Variants in OPCML observed in about 807,000 individuals in gnomAD.
The protein encoded by OPCML is opioid binding protein/cell adhesion molecule like.
Under a neutral mutation model 37.8 loss-of-function variants are expected in OPCML, and 13 were observed. That is an observed-to-expected ratio of 0.34 (90% CI 0.22 to 0.55). OPCML has a LOEUF of 0.55. Ranked by LOEUF, OPCML falls within the 20% of genes least tolerant of loss-of-function variation. The pLI is 0.91. For missense variants in OPCML, 341 were observed against 435.6 expected (o/e 0.78, Z 1.93); for synonymous variants, 176 against 168.8 (o/e 1.04, Z -0.33).
At chr11:133,156,571 C>T (rs1025545417) in intron 1 of OPCML, among the ~76,000 whole-genome samples, 3 of 152,288 alleles carry the variant, frequency 2.0e-5, no homozygotes, top group South Asian at 2.1e-4. Context: ...TTCTGCATCA[C>T]CCCTTAGTGG....
chr11:132,672,805 T>G (rs905213471), intron 2 of OPCML, among the ~76,000 whole-genome samples: 13 of 152,188 alleles, frequency 8.5e-5, no homozygotes, highest in Admixed American at 2.0e-4. Flanking sequence ...TTAGCTTGGT[T>G]CTTCACTGCT....
chr11:132,923,792 T>G (rs1565968152), intron 2 of OPCML, among the ~76,000 whole-genome samples: 1 of 127,032 alleles, frequency 7.9e-6, no homozygotes. Flanking sequence ...AGACAGAGTC[T>G]CACTCTTGTT....
intron 1 of OPCML, among the ~76,000 whole-genome samples, chr11:133,505,103 TTAGG>T (rs1278785729): frequency 2.0e-5 from 3 of 152,158 alleles, no homozygotes; most frequent in Non-Finnish European, 4.4e-5. Flanking sequence ...CCACATGACC[TTAGG>T]GAAGGACCCT....
intron 4 of OPCML, among the ~76,000 whole-genome samples, chr11:132,492,827 G>A (rs535785451): frequency 6.6e-6 from 1 of 152,282 alleles, no homozygotes; most frequent in African/African-American, 2.4e-5. Flanking sequence ...AGTGCCTGGT[G>A]CACAGTAAAT....
chr11:132,844,981 T>C (rs1248101671), intron 2 of OPCML, among the ~76,000 whole-genome samples: 1 of 152,028 alleles, frequency 6.6e-6, no homozygotes, highest in African/African-American at 2.4e-5. Context: ...TTTTTGTTTT[T>C]GTTTTTGTTT....
At chr11:132,731,958 T>C (rs1945092296) in intron 2 of OPCML, among the ~76,000 whole-genome samples, 2 of 152,140 alleles carry the variant, frequency 1.3e-5, no homozygotes, top group Non-Finnish European at 2.9e-5. Context: ...TCATATTATA[T>C]ACCATACGTA....
chr11:132,961,608 G>A lies in OPCML; in HGVS notation c.62-18598C>T, dbSNP rs373580320. On this transcript the variant is annotated intron_variant, in intron 1 of 7. Transcript: ENST00000524381. ...TAAATATAAATAGGCCCACAGGGCC[G>A]GGCTAAGCAACTGAAAAAATCATGG... is the stretch of plus-strand genomic sequence containing the variant. Among the ~76,000 whole-genome samples the A allele has an allele frequency of 1.6e-3, 250 of 152,310 alleles. 1 individual carries two copies. The highest frequency in any genetic ancestry group is 6.8e-3 in the Middle Eastern group (2 of 294).
At chr11:133,290,763 T>C (rs541691799) in intron 1 of OPCML, among the ~76,000 whole-genome samples, 1 of 152,230 alleles carries the variant, frequency 6.6e-6, no homozygotes, top group Non-Finnish European at 1.5e-5. Context: ...TTGGAAAGGA[T>C]TTCAGAAGAG....
intron 3 of OPCML, among the ~76,000 whole-genome samples, chr11:132,560,079 G>A (rs1290163428): frequency 6.6e-6 from 1 of 152,156 alleles, no homozygotes; most frequent in Non-Finnish European, 1.5e-5. Flanking sequence ...TTGATACTTT[G>A]TATGTGCCTA....
At chr11:133,161,896 T>C (rs1950146118) in intron 1 of OPCML, among the ~76,000 whole-genome samples, 1 of 149,414 alleles carries the variant, frequency 6.7e-6, no homozygotes, top group Admixed American at 6.6e-5. Flanking sequence ...CCCAGCACAG[T>C]GCCTGCCTCC....
chr11:133,227,085 G>A (rs773548821), intron 1 of OPCML, among the ~76,000 whole-genome samples: 5 of 152,146 alleles, frequency 3.3e-5, no homozygotes, highest in Admixed American at 1.3e-4. Context: ...GTGTTAGGGG[G>A]GGGTGCTGTC....
At chr11:132,748,628 G>A (rs898662857) in intron 2 of OPCML, among the ~76,000 whole-genome samples, 1 of 152,184 alleles carries the variant, frequency 6.6e-6, no homozygotes, top group Non-Finnish European at 1.5e-5. Flanking sequence ...AGAGAGCGGT[G>A]CGAGGGAGGG....
intron 1 of OPCML, among the ~76,000 whole-genome samples, chr11:133,524,697 T>A (rs1169696071): frequency 2.0e-5 from 3 of 152,248 alleles, no homozygotes; most frequent in Non-Finnish European, 4.4e-5. Flanking sequence ...CTGCTGCATG[T>A]GTGTTTGGTC....
rs1947333082 is a variant in OPCML, at chr11:133,479,709, A to G, written c.61+52555T>C. On this transcript the variant is annotated intron_variant, in intron 1 of 7. Coordinates refer to ENST00000524381, the MANE Select transcript of OPCML (RefSeq NM_001012393.5). The stretch of plus-strand genomic sequence containing the variant: ...CCCATTTGGGCCCCACCCAAGTCGC[A>G]CAGTCTCGAGGAGCCCATATGCTGG... 2.6e-5 allele frequency among the ~76,000 whole-genome samples: 4 copies of G among 152,180 alleles called. No individual in the cohort carries two copies. The South Asian group carries it at 8.3e-4, about 32-fold the overall frequency.
At chr11:133,165,444 G>T (rs1248803327) in intron 1 of OPCML, among the ~76,000 whole-genome samples, 1 of 152,094 alleles carries the variant, frequency 6.6e-6, no homozygotes, top group Non-Finnish European at 1.5e-5. Context: ...TTCAACGAAG[G>T]GTTCCTTTTC....
In OPCML at chr11:132,763,862, C is replaced by T. The variant is rs554573672; in HGVS notation, c.147-106543G>A. On this transcript the variant is annotated intron_variant, in intron 2 of 7. Coordinates refer to ENST00000524381, the MANE Select transcript of OPCML (RefSeq NM_001012393.5). ...AGCCATGCCTTCCCCGCTTTCATTC[C>T]GCATCTTACCACAAAGAGAACTCAT... 1.2e-4 allele frequency among the ~76,000 whole-genome samples: 19 copies of T among 152,278 alleles called. No individual in the cohort carries two copies. In the East Asian group the frequency reaches 2.3e-3, roughly 19 times the overall value.
intron 4 of OPCML, among the ~76,000 whole-genome samples, chr11:132,484,749 T>A (rs2096193780): frequency 6.6e-6 from 1 of 152,118 alleles, no homozygotes; most frequent in Non-Finnish European, 1.5e-5. Context: ...TAAAAAATGA[T>A]GAGTTCATGT....
chr11:132,786,597 T>C (rs1947219179), intron 2 of OPCML, among the ~76,000 whole-genome samples: 1 of 152,192 alleles, frequency 6.6e-6, no homozygotes, highest in African/African-American at 2.4e-5. Context: ...TGAAGGACTT[T>C]GAGATAACTA....
intron 2 of OPCML, among the ~76,000 whole-genome samples, chr11:132,933,986 A>C (rs1945291524): frequency 6.6e-6 from 1 of 152,184 alleles, no homozygotes; most frequent in Non-Finnish European, 1.5e-5. Flanking sequence ...GAGGTTCCAA[A>C]CAATGACCAG....
Sources: allele counts gnomAD v4.1 joint callset (sites outside exome capture counted in the v4.1 genomes callset), GRCh38; gene constraint gnomAD v4.1.1; transcripts MANE v1.5; gene names NCBI Gene and HGNC (gene_info 2026-07-23, HGNC 2026-07-21).